The following PACSIN2 variants were observed in gnomAD, a reference collection of about 807,000 sequenced individuals.
The protein encoded by PACSIN2 is protein kinase C and casein kinase substrate in neurons protein 2.
PACSIN2 carries 25 observed loss-of-function variants against 63.8 expected under a neutral mutation model. The observed-to-expected ratio is 0.39, with a 90% CI of 0.29 to 0.55. PACSIN2 has a LOEUF of 0.55. Ranked by LOEUF, PACSIN2 falls within the 20% of genes least tolerant of loss-of-function variation. The pLI, the probability that PACSIN2 is intolerant of heterozygous loss-of-function variation, is 0.62. For missense variants in PACSIN2, 518 were observed against 646.9 expected (o/e 0.80, Z 2.16); for synonymous variants, 255 against 256.2 (o/e 1.00, Z 0.05).
rs1932143801 is a variant in PACSIN2 at position 42,920,833 on chromosome 22, C to T, written c.-77-8676G>A. ...TTTTTTTTTTTTTGAGACAGGGTCTCGGTCTGCCGCCCAGGCTGAAGTGCA... is the reference window on the plus strand; with the variant it reads ...TTTTTTTTTTTTTGAGACAGGGTCTTGGTCTGCCGCCCAGGCTGAAGTGCA... On this transcript the variant is annotated intron_variant, in intron 1 of 10. Transcript: ENST00000263246. Among the ~76,000 whole-genome samples the T allele has an allele frequency of 2.3e-5, 3 of 130,866 alleles. No individual in the cohort carries two copies. In the South Asian group the frequency reaches 7.3e-4, roughly 32 times the overall value. 85.9% of individuals were successfully genotyped at this position (130,866 alleles called of 152,430 possible). A position where few individuals can be genotyped will look rare whatever the true frequency, so the allele number is the denominator to read the frequency against.
intron 1 of PACSIN2, among the ~76,000 whole-genome samples, chr22:42,918,763 G>A (rs1347505592): frequency 1.3e-5 from 2 of 152,182 alleles, no homozygotes; most frequent in Admixed American, 1.3e-4. Context: ...GGAGCCTCAG[G>A]GCTTCCACAT....
At chr22:42,969,043 C>CTCCA (rs60039459) in intron 1 of PACSIN2, among the ~76,000 whole-genome samples, 3,956 of 150,860 alleles carry the variant, frequency 0.026, 174 homozygotes, top group African/African-American at 0.092. Flanking sequence ...ATCTATCTAT[C>CTCCA]TCCATCCATC....
At chr22:42,938,740 C>G (rs968001627) in intron 1 of PACSIN2, among the ~76,000 whole-genome samples, 16 of 152,146 alleles carry the variant, frequency 1.1e-4, no homozygotes, top group African/African-American at 3.9e-4. Context: ...TGGAGCTCCA[C>G]GAGGGAAGGG....
rs144099446 is a variant in PACSIN2, at chr22:42,923,618, G to A, written c.-77-11461C>T. 8.9e-3 allele frequency among the ~76,000 whole-genome samples: 1,354 copies of A among 152,160 alleles called. 19 individuals are homozygous for A. Among genetic ancestry groups the A allele is most frequent in the African/African-American group, 0.031 (1,298 of 41,510 alleles). ...AATTTTTTGTATTTTTAGTAGAGAC[G>A]GGGTTTCACCGTGTCAGCCAGGATG... On this transcript the variant is annotated intron_variant, in intron 1 of 10. Transcript: ENST00000263246.
intron 1 of PACSIN2, among the ~76,000 whole-genome samples, chr22:42,960,869 C>T (rs1162512734): frequency 6.6e-6 from 1 of 152,134 alleles, no homozygotes; most frequent in African/African-American, 2.4e-5. Flanking sequence ...TTTTTAAAAT[C>T]TCATACAGTA....
At chr22:42,986,010 A>C (rs1469911914) in intron 1 of PACSIN2, among the ~76,000 whole-genome samples, 1 of 151,842 alleles carries the variant, frequency 6.6e-6, no homozygotes, top group Non-Finnish European at 1.5e-5. Context: ...TGATTGGGCC[A>C]ATGCCCCAGG....
intron 1 of PACSIN2, among the ~76,000 whole-genome samples, chr22:42,969,842 G>A (rs1434544695): frequency 2.0e-5 from 3 of 151,328 alleles, no homozygotes; most frequent in Non-Finnish European, 4.4e-5. Flanking sequence ...GGGTGAGGCT[G>A]CAATGAATCA....
chr22:42,913,783 A>C (rs1401548464), intron 1 of PACSIN2, among the ~76,000 whole-genome samples: 1 of 152,170 alleles, frequency 6.6e-6, no homozygotes, highest in Non-Finnish European at 1.5e-5. Flanking sequence ...TGGCTGGTGG[A>C]GACTAGTATT....
intron 7 of PACSIN2, 104 bp downstream of exon 7, chr22:42,882,080 A>G: frequency 7.3e-7 from 1 of 1,372,588 alleles, no homozygotes; most frequent in Non-Finnish European, 1.0e-6. Flanking sequence ...TAAACAGGGC[A>G]AACACTAACA....
chr22:42,996,054 A>C (rs1433756999), intron 1 of PACSIN2, among the ~76,000 whole-genome samples: 2 of 151,752 alleles, frequency 1.3e-5, no homozygotes, highest in Non-Finnish European at 2.9e-5. Context: ...CCTCATTTCT[A>C]CTAAAAATAC....
At chr22:42,934,504 T>C (rs1932851311) in intron 1 of PACSIN2, among the ~76,000 whole-genome samples, 1 of 152,234 alleles carries the variant, frequency 6.6e-6, no homozygotes, top group Admixed American at 6.5e-5. Context: ...GCCTCCCCAC[T>C]CTGGCTTCCC....
intron 8 of PACSIN2, among the ~76,000 whole-genome samples, chr22:42,877,433 C>T (rs1239180258): frequency 1.3e-5 from 2 of 152,128 alleles, no homozygotes; most frequent in Admixed American, 6.5e-5. Flanking sequence ...GGCCGGCTCC[C>T]ATGGATGAGT....
intron 1 of PACSIN2, among the ~76,000 whole-genome samples, chr22:42,927,996 A>G (rs1932647573): frequency 6.6e-6 from 1 of 152,162 alleles, no homozygotes; most frequent in Admixed American, 6.5e-5. Flanking sequence ...GGCGGAGCCC[A>G]GGTTGGGGAT....
chr22:42,914,916 C>T (rs1335874317), intron 1 of PACSIN2, among the ~76,000 whole-genome samples: 1 of 152,208 alleles, frequency 6.6e-6, no homozygotes, highest in Non-Finnish European at 1.5e-5. Context: ...AGCTGGAGTG[C>T]AGTGGCATGA....
chr22:42,992,295 G>T (rs755921367), intron 1 of PACSIN2, among the ~76,000 whole-genome samples: 6 of 152,158 alleles, frequency 3.9e-5, no homozygotes, highest in Non-Finnish European at 7.3e-5. Flanking sequence ...GGATGTGGGG[G>T]AACTAGAACC....
At chr22:42,876,753 G>T in intron 9 of PACSIN2, 135 bp downstream of exon 9, 1 of 1,102,112 alleles carries the variant, frequency 9.1e-7, no homozygotes, top group Non-Finnish European at 1.3e-6. Context: ...GGGCCAGGGT[G>T]CGGCACGCCA....
intron 1 of PACSIN2, among the ~76,000 whole-genome samples, chr22:42,980,421 C>T (rs1344577700): frequency 6.6e-6 from 1 of 151,814 alleles, no homozygotes; most frequent in Non-Finnish European, 1.5e-5. Context: ...CACGACACTC[C>T]AGCCTGGGCG....
At chr22:43,010,666 C>T (rs1262003008) in intron 1 of PACSIN2, among the ~76,000 whole-genome samples, 2 of 152,056 alleles carry the variant, frequency 1.3e-5, no homozygotes, top group Non-Finnish European at 1.5e-5. Flanking sequence ...GCCAAGATCA[C>T]ACCACAGGGC....
At chr22:42,921,864 G>A (rs544153058) in intron 1 of PACSIN2, among the ~76,000 whole-genome samples, 3 of 151,808 alleles carry the variant, frequency 2.0e-5, no homozygotes, top group Non-Finnish European at 2.9e-5. Context: ...TCAGCCTCCC[G>A]AGTAGCTGGG....
Sources: gnomAD v4.1 joint callset for allele counts (sites outside exome capture counted in the v4.1 genomes callset) on GRCh38, gnomAD v4.1.1 for gene constraint, MANE v1.5 for transcripts, NCBI Gene and HGNC (gene_info 2026-07-23, HGNC 2026-07-21) for gene names.